CFDP1: variants seen among roughly 807,000 people sequenced by gnomAD.
The protein encoded by CFDP1 is heterochromatin-stabilizing protein CFDP1.
Under a neutral mutation model 40.1 loss-of-function variants are expected in CFDP1, and 31 were observed. That is an observed-to-expected ratio of 0.77 (90% CI 0.58 to 1.04). CFDP1 has a LOEUF of 1.04. Ranked by LOEUF, CFDP1 falls within the 50% of genes least tolerant of loss-of-function variation. The pLI, the probability that CFDP1 is intolerant of heterozygous loss-of-function variation, is 0.00. For missense variants in CFDP1, 423 were observed against 343.4 expected (o/e 1.23, Z -1.83); for synonymous variants, 167 against 120.0 (o/e 1.39, Z -2.56).
chr16:75,309,101 G>A (rs375696869), intron 5 of CFDP1, among the ~76,000 whole-genome samples: 2 of 152,180 alleles, frequency 1.3e-5, no homozygotes, highest in Non-Finnish European at 1.5e-5. Flanking sequence ...AGAACACACA[G>A]GGGGCTCATG....
intron 5 of CFDP1, among the ~76,000 whole-genome samples, chr16:75,353,304 T>C (rs2078625131): frequency 6.6e-6 from 1 of 152,228 alleles, no homozygotes; most frequent in South Asian, 2.1e-4. Context: ...GGTATGTGAA[T>C]AGTATGTAGT....
intron 5 of CFDP1, among the ~76,000 whole-genome samples, chr16:75,373,117 G>C (rs529567985): frequency 8.5e-5 from 13 of 152,264 alleles, no homozygotes; most frequent in African/African-American, 2.9e-4. Context: ...ACTCCCATCT[G>C]TCTACTTTCC....
At chr16:75,348,696 A>G (rs902170830) in intron 5 of CFDP1, among the ~76,000 whole-genome samples, 2 of 152,188 alleles carry the variant, frequency 1.3e-5, no homozygotes, top group African/African-American at 4.8e-5. Context: ...TAAGTGAATC[A>G]TGTCTGTGTT....
intron 4 of CFDP1, among the ~76,000 whole-genome samples, chr16:75,395,449 A>T (rs2285222): frequency 0.52 from 78,312 of 151,548 alleles, 21,274 homozygotes; most frequent in Admixed American, 0.64. Flanking sequence ...TCACAAGGTC[A>T]AGAGATCGAA....
chr16:75,396,357 G>C (rs1166862975), intron 4 of CFDP1, among the ~76,000 whole-genome samples: 1 of 103,574 alleles, frequency 9.7e-6, no homozygotes, highest in African/African-American at 2.9e-5. Flanking sequence ...GGCCAACATG[G>C]TGAAACCCTG....
intron 4 of CFDP1, among the ~76,000 whole-genome samples, chr16:75,404,103 G>C (rs2079078649): frequency 6.6e-6 from 1 of 151,596 alleles, no homozygotes; most frequent in African/African-American, 2.4e-5. Flanking sequence ...CTGCACTCCA[G>C]CCTGGGCAAC....
In CFDP1 at chr16:75,367,792, C is replaced by CAAAA. The variant is rs36057090; in HGVS notation, c.650+27294_650+27297dup. Reference sequence around the variant, plus strand: ...TGGGCGACAGAGTGACACTCCATCTCAAAAAAAAAAAAAAAAAAACTTAAC... The same window carrying CAAAA: ...TGGGCGACAGAGTGACACTCCATCTCAAAAAAAAAAAAAAAAAAAAAAACTTAAC... On this transcript the variant is annotated intron_variant, in intron 5 of 6. Coordinates refer to ENST00000283882, the MANE Select transcript of CFDP1 (RefSeq NM_006324.3). Among the ~76,000 whole-genome samples, 167 of 105,592 alleles carry CAAAA rather than the reference C, an allele frequency of 1.6e-3. 1 individual carries two copies. The highest frequency in any genetic ancestry group is 6.0e-3 in the African/African-American group (160 of 26,498). 69.3% of individuals were successfully genotyped at this position (105,592 alleles called of 152,430 possible).
chr16:75,338,911 T>C (rs974753591), intron 5 of CFDP1, among the ~76,000 whole-genome samples: 15 of 152,198 alleles, frequency 9.9e-5, no homozygotes, highest in Non-Finnish European at 1.5e-4. Flanking sequence ...TGATCCTTGA[T>C]ATTTTATAGG....
At chr16:75,368,781 C>T (rs76893898) in intron 5 of CFDP1, among the ~76,000 whole-genome samples, 1 of 151,876 alleles carries the variant, frequency 6.6e-6, no homozygotes, top group Non-Finnish European at 1.5e-5. Flanking sequence ...ACTACAGGCA[C>T]GTGCCACTAC....
In CFDP1 at chr16:75,316,199, G is replaced by A. The variant is rs554614787; in HGVS notation, c.651-11017C>T. 1.2e-4 allele frequency among the ~76,000 whole-genome samples: 19 copies of A among 152,338 alleles called. No homozygotes were observed. The South Asian group carries it at 2.9e-3, about 23-fold the overall frequency. Reference sequence around the variant, plus strand: ...TCAGCCCATCCTGGCGATGCCAAGCGTGATCCCTTGGGTAAGGTTGTGACG... The same window carrying A: ...TCAGCCCATCCTGGCGATGCCAAGCATGATCCCTTGGGTAAGGTTGTGACG... On this transcript the variant is annotated intron_variant, in intron 5 of 6. Coordinates refer to ENST00000283882, the MANE Select transcript of CFDP1 (RefSeq NM_006324.3).
At chr16:75,297,407 C>T (rs2078191672) in intron 6 of CFDP1, among the ~76,000 whole-genome samples, 1 of 152,148 alleles carries the variant, frequency 6.6e-6, no homozygotes, top group Non-Finnish European at 1.5e-5. Context: ...GACTAAATGT[C>T]CCTGAAAGAG....
Position 75,433,338 on chromosome 16 carries a change from G to A in CFDP1, c.15C>T (p.Asp5=), listed in dbSNP as rs923456887. The change falls in exon 1 of 7, where the codon GAC becomes GAT. Residue 5 remains aspartate (D), a synonymous_variant. Transcript: ENST00000283882. MEEF[D]SEDFSTSEED... Reference sequence around the variant, plus strand: ...CCTCCGACGTAGAGAAGTCTTCGGAGTCGAATTCCTCCATGTTGCTGCCGC... The same window carrying A: ...CCTCCGACGTAGAGAAGTCTTCGGAATCGAATTCCTCCATGTTGCTGCCGC... 1 of 1,597,498 alleles carries A rather than the reference G, an allele frequency of 6.3e-7. No homozygotes were observed. Among genetic ancestry groups the A allele is most frequent in the South Asian group, 1.1e-5 (1 of 88,894 alleles).
intron 4 of CFDP1, 58 bp downstream of exon 4, chr16:75,411,767 A>C: frequency 6.6e-7 from 1 of 1,516,106 alleles, no homozygotes; most frequent in Non-Finnish European, 9.1e-7. Flanking sequence ...AACACCAGTT[A>C]GAGAGAGACG....
At chr16:75,374,692 C>T (rs1296724030) in intron 5 of CFDP1, among the ~76,000 whole-genome samples, 1 of 151,818 alleles carries the variant, frequency 6.6e-6, no homozygotes, top group Non-Finnish European at 1.5e-5. Context: ...AACCACATAC[C>T]TAGTTTAAAA....
At chr16:75,294,226 G>T (rs561621451) in intron 6 of CFDP1, among the ~76,000 whole-genome samples, 184 bp from the exon 7 acceptor site, 2 of 152,314 alleles carry the variant, frequency 1.3e-5, no homozygotes, top group East Asian at 3.9e-4. Flanking sequence ...AAAATAAAAG[G>T]AAGGCAACAG....
chr16:75,296,966 G>A (rs1037461658), intron 6 of CFDP1, among the ~76,000 whole-genome samples: 2 of 152,038 alleles, frequency 1.3e-5, no homozygotes, highest in Non-Finnish European at 2.9e-5. Flanking sequence ...TTTAGTTTTT[G>A]TGTGACTTTG....
intron 5 of CFDP1, among the ~76,000 whole-genome samples, chr16:75,335,180 C>T (rs865971577): frequency 9.9e-5 from 15 of 152,274 alleles, no homozygotes; most frequent in Admixed American, 7.2e-4. Flanking sequence ...TAAGTTCCCC[C>T]CTGGTTGGGC....
intron 6 of CFDP1, among the ~76,000 whole-genome samples, chr16:75,303,010 C>A (rs913243354): frequency 1.3e-5 from 2 of 152,074 alleles, no homozygotes; most frequent in African/African-American, 4.8e-5. Flanking sequence ...GACCAGCCTG[C>A]CCAACATGGT....
chr16:75,361,933 C>T (rs1479655951), intron 5 of CFDP1, among the ~76,000 whole-genome samples: 4 of 152,222 alleles, frequency 2.6e-5, no homozygotes, highest in African/African-American at 7.2e-5. Context: ...GAGCTGAAAG[C>T]GTGGCCTCAG....
Sources: gnomAD v4.1 joint callset for allele counts (sites outside exome capture counted in the v4.1 genomes callset) on GRCh38, gnomAD v4.1.1 for gene constraint, MANE v1.5 for transcripts, NCBI Gene and HGNC (gene_info 2026-07-23, HGNC 2026-07-21) for gene names.